The following SLC47A1 variants were observed in gnomAD, a reference collection of about 807,000 sequenced individuals.
The protein encoded by SLC47A1 is multidrug and toxin extrusion protein 1.
A neutral mutation model predicts 65.8 loss-of-function variants in SLC47A1; 58 were observed. The ratio of observed to expected loss-of-function variants is 0.88; its 90% CI spans 0.71 to 1.10. SLC47A1 has a LOEUF of 1.10. Among genes scored for constraint, SLC47A1 ranks in the 50% least tolerant of loss-of-function variants. The pLI, the probability that SLC47A1 is intolerant of heterozygous loss-of-function variation, is 0.00. For synonymous variants in SLC47A1, 285 were observed against 295.0 expected (o/e 0.97, Z 0.35); for missense variants, 706 against 719.2 (o/e 0.98, Z 0.21).
intron 5 of SLC47A1, among the ~76,000 whole-genome samples, 197 bp downstream of exon 5, chr17:19,549,874 G>C (rs1379257649): frequency 2.0e-5 from 3 of 152,144 alleles, no homozygotes; most frequent in Admixed American, 2.0e-4. Context: ...CCAAGATTGA[G>C]GCTACTCCAG....
rs1555529053 is a variant in SLC47A1, at chr17:19,566,857, G to T, written c.1174G>T (p.Ala392Ser). The T allele has an allele frequency of 6.2e-7, 1 of 1,614,154 alleles. No individual in the cohort carries two copies. The highest frequency in any genetic ancestry group is 8.5e-7 in the Non-Finnish European group (1 of 1,180,018). ...YAVSHLFEAL[A>S]CTSGGVLRGS... ...TGTTTCCCACCTCTTTGAAGCTCTT[G>T]CTGTAAGTATTATGTAGTAGTCCCC... is the stretch of plus-strand genomic sequence containing the variant. The change falls in exon 13 of 17, where the codon GCT becomes TCT. Residue 392 changes from alanine to serine, a missense_variant and splice_region_variant. Coordinates refer to ENST00000270570, the MANE Select transcript of SLC47A1 (RefSeq NM_018242.3).
chr17:19,573,026 C>G (rs1212481834), intron 16 of SLC47A1, among the ~76,000 whole-genome samples, 165 bp downstream of exon 16: 1 of 152,208 alleles, frequency 6.6e-6, no homozygotes, highest in Non-Finnish European at 1.5e-5. Flanking sequence ...TCAAGGTAAA[C>G]TGAGTTCATT....
In SLC47A1 at chr17:19,577,377, G is replaced by A; in HGVS notation, c.1537G>A (p.Gly513Ser). 3 of 1,614,194 alleles carry A rather than the reference G, an allele frequency of 1.9e-6. No homozygotes were observed. The highest frequency in any genetic ancestry group is 2.5e-6 in the Non-Finnish European group (3 of 1,180,044). ...TTTAACGAACGATGTTGGAAAGACAGGCGAGCCTCAGTCAGATCAGCAGAT... is the reference window on the plus strand; with the variant it reads ...TTTAACGAACGATGTTGGAAAGACAAGCGAGCCTCAGTCAGATCAGCAGAT... Reference protein sequence around the residue: ...GILTNDVGKTGEPQSDQQMRQ... With the variant: ...GILTNDVGKTSEPQSDQQMRQ... Residue 513 changes from glycine to serine, a missense_variant, in exon 17 of 17, where the codon GGC (glycine) becomes AGC (serine). Gly to Ser is a moderately conservative substitution (Grantham distance 56). Coordinates refer to ENST00000270570, the MANE Select transcript of SLC47A1 (RefSeq NM_018242.3).
chr17:19,541,844 A>C (rs1466049262), intron 1 of SLC47A1, among the ~76,000 whole-genome samples: 2 of 152,224 alleles, frequency 1.3e-5, no homozygotes, highest in Non-Finnish European at 2.9e-5. Context: ...CAGGAAAGGC[A>C]GGCTGGGCGC....
chr17:19,547,305 A>G (rs758864168), intron 3 of SLC47A1, among the ~76,000 whole-genome samples: 2 of 147,992 alleles, frequency 1.4e-5, no homozygotes, highest in African/African-American at 2.5e-5. Context: ...CAGCCTCCCA[A>G]CATGTTGGGA....
intron 7 of SLC47A1, 60 bp from the exon 8 acceptor site, chr17:19,555,533 G>A (rs886844198): frequency 2.1e-5 from 32 of 1,533,894 alleles, no homozygotes; most frequent in Non-Finnish European, 2.8e-5. Flanking sequence ...CCTCCTCACT[G>A]AGTTGGGCAG....
chr17:19,567,303 TTGAC>T (rs2084366804), intron 14 of SLC47A1, 75 bp downstream of exon 14: 2 of 1,596,830 alleles, frequency 1.3e-6, no homozygotes, highest in Non-Finnish European at 1.7e-6. Context: ...ACACGGGTCT[TTGAC>T]TGAGGCTCAC....
At chr17:19,545,941 G>A (rs1916278857) in intron 2 of SLC47A1, among the ~76,000 whole-genome samples, 1 of 152,150 alleles carries the variant, frequency 6.6e-6, no homozygotes, top group African/African-American at 2.4e-5. Flanking sequence ...TATAGTTCTA[G>A]GCCGCGCGCT....
At chr17:19,573,527 CT>C (rs34229068) in intron 16 of SLC47A1, among the ~76,000 whole-genome samples, 2,458 of 147,552 alleles carry the variant, frequency 0.017, 56 homozygotes, top group African/African-American at 0.053. Context: ...TAAAGAAAAA[CT>C]TTTTTTTTTT....
chr17:19,558,626 A>T (rs1027523813), intron 10 of SLC47A1, among the ~76,000 whole-genome samples: 12 of 151,850 alleles, frequency 7.9e-5, no homozygotes, highest in African/African-American at 2.9e-4. Flanking sequence ...CTAATTTTTA[A>T]AAAAAATTTG....
rs1312199067 is a variant in SLC47A1 at position 19,571,329 on chromosome 17, A to T, written c.1310-149A>T. ...TTCTGGAAGCCTGAGGAGGAGCAGGATAGAGGTCTCTGGCCCGCTGTGGGC... is the reference window on the plus strand; with the variant it reads ...TTCTGGAAGCCTGAGGAGGAGCAGGTTAGAGGTCTCTGGCCCGCTGTGGGC... On this transcript the variant is annotated intron_variant, in intron 14 of 16. Transcript: ENST00000270570. 20 of 624,444 alleles carry T rather than the reference A, an allele frequency of 3.2e-5. No homozygotes were observed. In the East Asian group the frequency reaches 5.9e-4, roughly 18 times the overall value. The allele number at this position is 624,444 out of a possible 1,614,324, so 38.7% of individuals were successfully genotyped here. A position where few individuals can be genotyped will look rare whatever the true frequency, so the allele number is the denominator to read the frequency against.
At position 19,566,822 on chromosome 17, in the gene SLC47A1, C is replaced by T; in HGVS notation, c.1139C>T (p.Pro380Leu). ...ATTAATCTGGTGGCTCAGGTGGTTC[C>T]AATTTATGCTGTTTCCCACCTCTTT... is the stretch of plus-strand genomic sequence containing the variant. ...DIINLVAQVV[P>L]IYAVSHLFEA... The change falls in exon 13 of 17, where the codon CCA becomes CTA. Residue 380 changes from proline (P) to leucine (L), a missense_variant. Coordinates refer to ENST00000270570, the MANE Select transcript of SLC47A1 (RefSeq NM_018242.3). The T allele has an allele frequency of 6.2e-7, 1 of 1,614,142 alleles. No homozygotes were observed. Among genetic ancestry groups the T allele is most frequent in the Non-Finnish European group, 8.5e-7 (1 of 1,180,018 alleles).
At chr17:19,547,574 G>T (rs1916323046) in intron 3 of SLC47A1, among the ~76,000 whole-genome samples, 1 of 151,892 alleles carries the variant, frequency 6.6e-6, no homozygotes, top group African/African-American at 2.4e-5. Context: ...TGCCCTGTGT[G>T]AATTAAGTCC....
Position 19,572,812 on chromosome 17 carries a change from C to T in SLC47A1, c.1437C>T (p.Asn479=), listed in dbSNP as rs779647652. Residue 479 remains asparagine (N), a synonymous_variant, in exon 16 of 17, where the codon AAC becomes AAT. Coordinates refer to ENST00000270570, the MANE Select transcript of SLC47A1 (RefSeq NM_018242.3). ...AQVHANLKVN[N]VPRSGNSALP... is the part of the protein sequence containing the mutation. ...TACACGCCAATTTGAAAGTAAACAACGTGCCTCGGAGTGGGAATTCTGCTC... is the reference window on the plus strand; with the variant it reads ...TACACGCCAATTTGAAAGTAAACAATGTGCCTCGGAGTGGGAATTCTGCTC... The T allele has an allele frequency of 5.0e-6, 8 of 1,614,094 alleles. No individual in the cohort carries two copies. The highest frequency in any genetic ancestry group is 1.1e-5 in the South Asian group (1 of 91,074).
intron 1 of SLC47A1, among the ~76,000 whole-genome samples, chr17:19,538,177 C>T (rs773411356): frequency 6.6e-6 from 1 of 152,274 alleles, no homozygotes; most frequent in Non-Finnish European, 1.5e-5. Context: ...TATCCCCGTG[C>T]TGGCCAATTA....
intron 1 of SLC47A1, among the ~76,000 whole-genome samples, chr17:19,537,228 CCTT>C (rs1318642234): frequency 6.6e-6 from 1 of 152,052 alleles, no homozygotes; most frequent in Non-Finnish European, 1.5e-5. Flanking sequence ...AGCTGGCGGA[CCTT>C]CTAGGGTTAC....
rs757910267 is a variant in SLC47A1, at chr17:19,577,405, G to A, written c.1565G>A (p.Arg522His). Reference protein sequence around the residue: ...TGEPQSDQQMRQEEPLPEHPQ... With the variant: ...TGEPQSDQQMHQEEPLPEHPQ... ...GAGCCTCAGTCAGATCAGCAGATGC[G>A]CCAAGAAGAACCTTTGCCGGAACAT... The change falls in exon 17 of 17, where the codon CGC becomes CAC. Residue 522 changes from arginine to histidine, a missense_variant. Transcript: ENST00000270570. The A allele has an allele frequency of 8.1e-6, 13 of 1,614,038 alleles. No homozygotes were observed. The highest frequency in any genetic ancestry group is 3.3e-4 in the Middle Eastern group (2 of 6,084).
At chr17:19,547,542 A>G (rs1351469343) in intron 3 of SLC47A1, among the ~76,000 whole-genome samples, 2 of 151,786 alleles carry the variant, frequency 1.3e-5, no homozygotes, top group African/African-American at 2.4e-5. Flanking sequence ...TTTTTTAAAA[A>G]AAGGTACGGA....
chr17:19,577,294 C>T (rs759545635), intron 16 of SLC47A1, 33 bp from the exon 17 acceptor site: 1 of 1,607,174 alleles, frequency 6.2e-7, no homozygotes, highest in Non-Finnish European at 8.5e-7. Flanking sequence ...AAAAAAATCC[C>T]TTTTAAGCTG....
Sources: allele counts gnomAD v4.1 joint callset (sites outside exome capture counted in the v4.1 genomes callset), GRCh38; gene constraint gnomAD v4.1.1; transcripts MANE v1.5; gene names NCBI Gene and HGNC (gene_info 2026-07-23, HGNC 2026-07-21).